FBXL13: variants seen among roughly 807,000 people sequenced by gnomAD.
FBXL13 encodes the protein F-box and leucine rich repeat protein 13.
A neutral mutation model predicts 83.6 loss-of-function variants in FBXL13; 67 were observed. The ratio of observed to expected loss-of-function variants is 0.80; its 90% CI spans 0.66 to 0.98. The LOEUF (loss-of-function observed/expected upper bound fraction) is 0.98, where lower values mean the gene tolerates loss of function less well. FBXL13 is among the 50% of genes least tolerant of loss of function. The pLI is 0.00. For missense variants in FBXL13, 822 were observed against 866.5 expected (o/e 0.95, Z 0.64); for synonymous variants, 272 against 299.5 (o/e 0.91, Z 0.95).
intron 6 of FBXL13, among the ~76,000 whole-genome samples, chr7:102,991,715 A>G (rs1040550693): frequency 3.3e-5 from 5 of 152,238 alleles, no homozygotes; most frequent in East Asian, 1.9e-4. Context: ...AATTGCTTCA[A>G]TGCAAATCAC....
intron 10 of FBXL13, among the ~76,000 whole-genome samples, chr7:102,915,685 A>C (rs1158120036): frequency 1.3e-5 from 2 of 152,182 alleles, no homozygotes; most frequent in Non-Finnish European, 2.9e-5. Context: ...AAAATATATA[A>C]GATTACAAAA....
chr7:102,942,338 C>A, intron 8 of FBXL13: 1 of 1,588,324 alleles, frequency 6.3e-7, no homozygotes, highest in Non-Finnish European at 8.6e-7. Flanking sequence ...ATGATTTTTG[C>A]TGTGGTAAGT....
At chr7:102,898,575 G>A (rs1812567420) in intron 11 of FBXL13, among the ~76,000 whole-genome samples, 1 of 152,116 alleles carries the variant, frequency 6.6e-6, no homozygotes, top group Non-Finnish European at 1.5e-5. Flanking sequence ...ACAAGCATGA[G>A]CCACCGTGCC....
intron 6 of FBXL13, among the ~76,000 whole-genome samples, chr7:102,969,838 G>A (rs1267324502): frequency 6.5e-5 from 9 of 137,586 alleles, no homozygotes; most frequent in Non-Finnish European, 1.4e-4. Context: ...GGGGAGGGGA[G>A]GGGAGGGGAG....
At chr7:102,846,145 G>A (rs540894764) in intron 17 of FBXL13, among the ~76,000 whole-genome samples, 1 of 152,010 alleles carries the variant, frequency 6.6e-6, no homozygotes, top group Non-Finnish European at 1.5e-5. Context: ...ACATAGTATT[G>A]AATTTTTCTG....
At chr7:102,867,476 A>G (rs984415280) in intron 16 of FBXL13, among the ~76,000 whole-genome samples, 7 of 151,654 alleles carry the variant, frequency 4.6e-5, no homozygotes, top group Non-Finnish European at 1.5e-5. Flanking sequence ...AGAACACAGC[A>G]TGTTTGAGGA....
At chr7:102,862,827 T>A (rs1056712034) in intron 16 of FBXL13, among the ~76,000 whole-genome samples, 1 of 152,240 alleles carries the variant, frequency 6.6e-6, no homozygotes, top group Non-Finnish European at 1.5e-5. Context: ...CACCTACTTC[T>A]CTGGATGTTC....
chr7:102,975,852 A>G (rs1443064889), intron 6 of FBXL13: 3 of 689,244 alleles, frequency 4.4e-6, no homozygotes, highest in Admixed American at 2.2e-5. Flanking sequence ...GTAAAAGGCA[A>G]AAACAGGCAG....
rs181103694 is a variant in FBXL13, at chr7:103,069,611, C to T, written c.-105+4635G>A. Among the ~76,000 whole-genome samples, 27 of 152,174 alleles carry T rather than the reference C, an allele frequency of 1.8e-4. No homozygotes were observed. In the East Asian group the frequency reaches 5.0e-3, roughly 28 times the overall value. ...GAATAGGGATGAACCAGATGTAAACCGAACCCAAATAAATCCACAGTCCAA... is the reference window on the plus strand; with the variant it reads ...GAATAGGGATGAACCAGATGTAAACTGAACCCAAATAAATCCACAGTCCAA... On this transcript the variant is annotated intron_variant, in intron 1 of 19. Transcript: ENST00000313221.
intron 11 of FBXL13, among the ~76,000 whole-genome samples, chr7:102,902,152 T>C (rs529836531): frequency 7.2e-5 from 11 of 152,310 alleles, no homozygotes; most frequent in Admixed American, 6.5e-4. Context: ...TGATATCTCA[T>C]TGTAGTTTTG....
At chr7:103,038,687 G>A (rs1459504584) in intron 2 of FBXL13, among the ~76,000 whole-genome samples, 4 of 152,222 alleles carry the variant, frequency 2.6e-5, no homozygotes, top group African/African-American at 9.6e-5. Flanking sequence ...AAGGTCTGGA[G>A]TGGACCTCCA....
chr7:103,003,252 TTTG>T (rs1188304226), intron 6 of FBXL13, among the ~76,000 whole-genome samples: 8 of 151,128 alleles, frequency 5.3e-5, no homozygotes, highest in Non-Finnish European at 8.8e-5. Flanking sequence ...TTTAAGTGTG[TTTG>T]TTGTTGTTGT....
intron 2 of FBXL13, among the ~76,000 whole-genome samples, chr7:103,037,858 C>T (rs916824845): frequency 2.0e-5 from 3 of 151,584 alleles, no homozygotes; most frequent in African/African-American, 2.4e-5. Context: ...GAAACAGCTC[C>T]GGTCTGCAGC....
intron 10 of FBXL13, among the ~76,000 whole-genome samples, chr7:102,913,748 A>C (rs1351821146): frequency 1.3e-5 from 2 of 152,242 alleles, no homozygotes; most frequent in Non-Finnish European, 2.9e-5. Context: ...TGAGTTTAAA[A>C]AATAGGTTTA....
intron 8 of FBXL13, among the ~76,000 whole-genome samples, chr7:102,938,290 C>G (rs981178749): frequency 1.3e-5 from 2 of 152,092 alleles, no homozygotes; most frequent in African/African-American, 4.8e-5. Flanking sequence ...GGTAAATTAC[C>G]CTTAGCTGCC....
intron 6 of FBXL13, among the ~76,000 whole-genome samples, chr7:102,994,974 A>T (rs1338623771): frequency 6.6e-6 from 1 of 152,188 alleles, no homozygotes; most frequent in Non-Finnish European, 1.5e-5. Context: ...TCATCTTGAG[A>T]GATTGGCTCT....
At chr7:102,907,272 T>C (rs893177823) in intron 11 of FBXL13, among the ~76,000 whole-genome samples, 5 of 152,232 alleles carry the variant, frequency 3.3e-5, no homozygotes, top group African/African-American at 1.2e-4. Context: ...ATTTGCCCTT[T>C]TGAAATTATT....
At chr7:103,025,221 G>A in exon 6 of FBXL13, 2 of 1,569,642 alleles carry the variant, frequency 1.3e-6, no homozygotes, top group Non-Finnish European at 1.7e-6. Flanking sequence ...TGAAGTTCAT[G>A]TTTTAATATC....
Position 102,851,215 on chromosome 7 carries a change from G to C in FBXL13, c.1719+3562C>G, listed in dbSNP as rs191598996. Among the ~76,000 whole-genome samples, 265 of 152,190 alleles carry C rather than the reference G, an allele frequency of 1.7e-3. 3 individuals are homozygous for C. Among genetic ancestry groups the C allele is most frequent in the Admixed American group, 7.0e-3 (107 of 15,272 alleles). ...CAGAAGTTTAGAATTCAATGCTAGAGGTCTAGAGAATCTTTTGACCTGGAA... is the reference window on the plus strand; with the variant it reads ...CAGAAGTTTAGAATTCAATGCTAGACGTCTAGAGAATCTTTTGACCTGGAA... On this transcript the variant is annotated intron_variant, in intron 17 of 19. Transcript: ENST00000313221.
Sources: allele counts gnomAD v4.1 joint callset (sites outside exome capture counted in the v4.1 genomes callset), GRCh38; gene constraint gnomAD v4.1.1; transcripts MANE v1.5; gene names NCBI Gene and HGNC (gene_info 2026-07-23, HGNC 2026-07-21).